Variants in B3GALT1 observed in about 807,000 individuals in gnomAD.
B3GALT1 encodes the protein UDP-Gal:betaGlcNAc beta 1,3-galactosyltransferase, polypeptide 1.
B3GALT1 carries 10 observed loss-of-function variants against 23.2 expected under a neutral mutation model. The ratio of observed to expected loss-of-function variants is 0.43; its 90% CI spans 0.27 to 0.73. B3GALT1 has a LOEUF of 0.73. B3GALT1 is among the 30% of genes least tolerant of loss of function. The probability of loss-of-function intolerance (pLI) is 0.21; values close to 1 mark genes in which losing one functional copy is unlikely to be tolerated. For missense variants in B3GALT1, 299 were observed against 405.4 expected (o/e 0.74, Z 2.25); for synonymous variants, 156 against 141.5 (o/e 1.10, Z -0.73).
chr2:167,815,384 T>C (rs1283828122), intron 3 of B3GALT1, among the ~76,000 whole-genome samples: 1 of 152,198 alleles, frequency 6.6e-6, no homozygotes, highest in Non-Finnish European at 1.5e-5. Context: ...CCTTGATAAG[T>C]TAATAAATGG....
intron 1 of B3GALT1, among the ~76,000 whole-genome samples, chr2:167,314,307 G>A (rs1369979050): frequency 3.3e-5 from 5 of 152,130 alleles, no homozygotes; most frequent in South Asian, 2.1e-4. Flanking sequence ...ATAATTTAAC[G>A]TGGCTTCCTA....
At chr2:167,761,109 A>C (rs140235701) in intron 3 of B3GALT1, among the ~76,000 whole-genome samples, 2 of 152,344 alleles carry the variant, frequency 1.3e-5, no homozygotes, top group East Asian at 3.9e-4. Context: ...CAAGTGAAAA[A>C]GTAATAGAAA....
intron 2 of B3GALT1, among the ~76,000 whole-genome samples, chr2:167,585,057 A>G (rs1684564054): frequency 6.6e-6 from 1 of 152,130 alleles, no homozygotes; most frequent in Admixed American, 6.5e-5. Context: ...TCCTGTAAAC[A>G]GCTCTCATCC....
At chr2:167,704,439 A>T (rs914367864) in intron 3 of B3GALT1, among the ~76,000 whole-genome samples, 5 of 152,110 alleles carry the variant, frequency 3.3e-5, no homozygotes, top group African/African-American at 1.2e-4. Context: ...AACCTTCCTA[A>T]TCCTTCTAAG....
intron 2 of B3GALT1, among the ~76,000 whole-genome samples, chr2:167,626,297 ATCT>A (rs1685344964): frequency 6.6e-6 from 1 of 151,608 alleles, no homozygotes; most frequent in African/African-American, 2.4e-5. Context: ...ACCCATATAG[ATCT>A]TCTTTGCCTT....
chr2:167,356,951 T>C (rs553997430), intron 1 of B3GALT1, among the ~76,000 whole-genome samples: 5 of 152,154 alleles, frequency 3.3e-5, no homozygotes, highest in African/African-American at 1.2e-4. Flanking sequence ...TAAAAATGTA[T>C]TTTTTAATAG....
At chr2:167,850,041 A>G (rs1689847139) in intron 4 of B3GALT1, among the ~76,000 whole-genome samples, 2 of 152,206 alleles carry the variant, frequency 1.3e-5, no homozygotes, top group African/African-American at 4.8e-5. Context: ...AAGATAAATC[A>G]CTGGGACCTA....
At chr2:167,602,268 T>G (rs551039651) in intron 2 of B3GALT1, among the ~76,000 whole-genome samples, 80 of 152,294 alleles carry the variant, frequency 5.3e-4, no homozygotes, top group Non-Finnish European at 8.1e-4. Flanking sequence ...TACAGAGAGC[T>G]GCAGCTATCA....
At chr2:167,716,978 G>T (rs1459359357) in intron 3 of B3GALT1, among the ~76,000 whole-genome samples, 1 of 152,062 alleles carries the variant, frequency 6.6e-6, no homozygotes, top group East Asian at 1.9e-4. Flanking sequence ...TCTCAAATTT[G>T]TAGTATAATT....
chr2:167,850,733 G>T (rs1033498362), intron 4 of B3GALT1, among the ~76,000 whole-genome samples: 2 of 152,090 alleles, frequency 1.3e-5, no homozygotes, highest in African/African-American at 4.8e-5. Flanking sequence ...ACCAAACGTC[G>T]TGTGTGCTCA....
chr2:167,867,307 C>T (rs910417674), intron 4 of B3GALT1, among the ~76,000 whole-genome samples: 2 of 152,074 alleles, frequency 1.3e-5, no homozygotes, highest in African/African-American at 4.8e-5. Flanking sequence ...CTGCACATCA[C>T]ATCCTTCTTT....
intron 1 of B3GALT1, among the ~76,000 whole-genome samples, chr2:167,472,397 C>T (rs1460314343): frequency 1.3e-5 from 2 of 152,060 alleles, no homozygotes; most frequent in African/African-American, 2.4e-5. Context: ...CTTTCCAAAC[C>T]ATCTCAGCAT....
At chr2:167,691,195 T>G (rs761846389) in intron 3 of B3GALT1, among the ~76,000 whole-genome samples, 44 of 152,124 alleles carry the variant, frequency 2.9e-4, no homozygotes, top group Non-Finnish European at 5.1e-4. Flanking sequence ...CCTGTTTCAT[T>G]TGTTTCCTTC....
chr2:167,650,976 T>C (rs1350866079), intron 3 of B3GALT1, among the ~76,000 whole-genome samples: 1 of 152,144 alleles, frequency 6.6e-6, no homozygotes, highest in Non-Finnish European at 1.5e-5. Context: ...TAATTATGTG[T>C]TCCCCATGCT....
intron 1 of B3GALT1, among the ~76,000 whole-genome samples, chr2:167,426,936 A>G (rs913174317): frequency 1.3e-5 from 2 of 152,234 alleles, no homozygotes; most frequent in African/African-American, 4.8e-5. Context: ...CATTGTTTTA[A>G]TATATCCCAA....
chr2:167,319,086 T>C lies in B3GALT1; in HGVS notation c.-511+25752T>C, dbSNP rs545240604. Among the ~76,000 whole-genome samples, 6 of 152,270 alleles carry C rather than the reference T, an allele frequency of 3.9e-5. 1 individual carries two copies. Among genetic ancestry groups the C allele is most frequent in the Admixed American group, 3.9e-4 (6 of 15,304 alleles). The stretch of plus-strand genomic sequence containing the variant: ...AACTTCAGCATTAGACACCATTGTC[T>C]TGCTCTGAGATGGTTTTTAGGACTC... On this transcript the variant is annotated intron_variant, in intron 1 of 4. Coordinates refer to ENST00000392690, the MANE Select transcript of B3GALT1 (RefSeq NM_020981.4).
At chr2:167,746,148 A>G (rs188346250) in intron 3 of B3GALT1, among the ~76,000 whole-genome samples, 27 of 152,342 alleles carry the variant, frequency 1.8e-4, no homozygotes, top group African/African-American at 6.0e-4. Flanking sequence ...GATAACTTAC[A>G]TTAAAACTGT....
At chr2:167,524,847 A>G (rs943259694) in intron 2 of B3GALT1, among the ~76,000 whole-genome samples, 1 of 152,158 alleles carries the variant, frequency 6.6e-6, no homozygotes, top group Non-Finnish European at 1.5e-5. Context: ...ACATATCAAC[A>G]TGTTTTAGAG....
chr2:167,853,259 A>G (rs1689937880), intron 4 of B3GALT1, among the ~76,000 whole-genome samples: 1 of 152,172 alleles, frequency 6.6e-6, no homozygotes, highest in Non-Finnish European at 1.5e-5. Flanking sequence ...CTCTAGAAAT[A>G]AATCAAATAA....
Sources: gnomAD v4.1 joint callset for allele counts (sites outside exome capture counted in the v4.1 genomes callset) on GRCh38, gnomAD v4.1.1 for gene constraint, MANE v1.5 for transcripts, NCBI Gene and HGNC (gene_info 2026-07-23, HGNC 2026-07-21) for gene names.